Variants in DEPTOR observed in about 807,000 individuals in gnomAD.
The protein encoded by DEPTOR is DEP domain-containing mTOR-interacting protein.
DEPTOR carries 41 observed loss-of-function variants against 41.6 expected under a neutral mutation model. That is an observed-to-expected ratio of 0.98 (90% CI 0.77 to 1.28). The LOEUF is 1.28. DEPTOR is among the 50% of genes most tolerant of loss of function. The pLI, the probability that DEPTOR is intolerant of heterozygous loss-of-function variation, is 0.00. For missense variants in DEPTOR, 514 were observed against 527.9 expected (o/e 0.97, Z 0.26); for synonymous variants, 195 against 192.3 (o/e 1.01, Z -0.12).
intron 8 of DEPTOR, among the ~76,000 whole-genome samples, chr8:120,034,535 C>T (rs978689503): frequency 1.4e-5 from 2 of 147,844 alleles, no homozygotes; most frequent in African/African-American, 2.5e-5. Context: ...GCAATCTCCA[C>T]CTCCCGGGTT....
At chr8:120,031,260 A>G (rs1182814183) in intron 8 of DEPTOR, among the ~76,000 whole-genome samples, 1 of 152,104 alleles carries the variant, frequency 6.6e-6, no homozygotes, top group Non-Finnish European at 1.5e-5. Context: ...TGAGGTCAGG[A>G]GTTCAAGACC....
intron 8 of DEPTOR, among the ~76,000 whole-genome samples, chr8:120,047,593 G>T (rs542536125): frequency 6.6e-6 from 1 of 151,196 alleles, no homozygotes; most frequent in South Asian, 2.1e-4. Context: ...TGATCCACCC[G>T]CCAGGCTGAT....
In DEPTOR at chr8:119,928,412, C is replaced by A. The variant is rs16893299; in HGVS notation, c.135C>A (p.His45Gln). ...VTGEQLRLRL[H>Q]EEKVIKDRRH... The stretch of plus-strand genomic sequence containing the variant: ...ATTTTTCTTTCAGGCTCAGGCTGCA[C>A]GAAGAAAAGGTTATTAAAGATAGAC... Residue 45 changes from histidine to glutamine, a missense_variant, in exon 2 of 9, where the codon CAC becomes CAA. Physicochemically the swap from His to Gln is conservative, Grantham distance 24 (BLOSUM62 0). Transcript: ENST00000286234. The A allele has an allele frequency of 1.2e-6, 2 of 1,610,784 alleles. No individual in the cohort carries two copies. Among genetic ancestry groups the A allele is most frequent in the African/African-American group, 2.7e-5 (2 of 74,814 alleles).
intron 4 of DEPTOR, among the ~76,000 whole-genome samples, chr8:119,996,095 C>T (rs539635193): frequency 2.0e-4 from 31 of 152,280 alleles, no homozygotes; most frequent in African/African-American, 7.2e-4. Context: ...TGAGAGAACT[C>T]GATTCCATCT....
chr8:119,889,570 A>G (rs555195293), intron 1 of DEPTOR, among the ~76,000 whole-genome samples: 1 of 114,892 alleles, frequency 8.7e-6, no homozygotes, highest in African/African-American at 3.2e-5. Flanking sequence ...AGGAGAGGAG[A>G]GGAGACGGGA....
chr8:119,934,102 A>G (rs937238696), intron 3 of DEPTOR, among the ~76,000 whole-genome samples: 2 of 152,018 alleles, frequency 1.3e-5, no homozygotes, highest in African/African-American at 4.8e-5. Flanking sequence ...GCTGATCTCA[A>G]ACTCCTGGCC....
rs551686723 is a variant in DEPTOR, at chr8:119,904,468, A to G, written c.123-23932A>G. Among the ~76,000 whole-genome samples the G allele has an allele frequency of 2.7e-3, 403 of 151,636 alleles. 2 individuals carry two copies. The highest frequency in any genetic ancestry group is 8.8e-3 in the African/African-American group (365 of 41,354). ...ATTGCAGGTAGAAAAAACTGGATAC[A>G]TTTTTTAAAAAATTAACTTTATTTT... is the stretch of plus-strand genomic sequence containing the variant. On this transcript the variant is annotated intron_variant, in intron 1 of 8. Coordinates refer to ENST00000286234, the MANE Select transcript of DEPTOR (RefSeq NM_022783.4).
intron 8 of DEPTOR, among the ~76,000 whole-genome samples, chr8:120,023,990 C>T (rs982982569): frequency 5.3e-5 from 8 of 152,108 alleles, no homozygotes; most frequent in African/African-American, 1.9e-4. Context: ...AATCCCAGCA[C>T]TTTGGGAGGC....
intron 4 of DEPTOR, among the ~76,000 whole-genome samples, chr8:119,996,519 A>G (rs1475076219): frequency 1.3e-5 from 2 of 152,090 alleles, no homozygotes; most frequent in African/African-American, 2.4e-5. Flanking sequence ...TTTGTATTTG[A>G]TCTTAGATAG....
chr8:119,886,280 G>T (rs1486441517), intron 1 of DEPTOR, among the ~76,000 whole-genome samples: 1 of 152,154 alleles, frequency 6.6e-6, no homozygotes, highest in East Asian at 1.9e-4. Flanking sequence ...CATATGGCTT[G>T]TAATAACATC....
intron 1 of DEPTOR, among the ~76,000 whole-genome samples, chr8:119,901,698 C>G (rs530426102): frequency 1.4e-5 from 2 of 145,190 alleles, no homozygotes; most frequent in African/African-American, 5.1e-5. Flanking sequence ...AAAAAAAGAA[C>G]GAAAGATGTG....
intron 1 of DEPTOR, among the ~76,000 whole-genome samples, chr8:119,918,934 A>AGTGTGT (rs139535526): frequency 1.7e-5 from 2 of 115,198 alleles, no homozygotes; most frequent in African/African-American, 6.9e-5. Flanking sequence ...CTATTTGCAT[A>AGTGTGT]GTGAGTGTGT....
At chr8:119,966,597 G>A (rs1828565724) in intron 4 of DEPTOR, among the ~76,000 whole-genome samples, 1 of 151,820 alleles carries the variant, frequency 6.6e-6, no homozygotes, top group Non-Finnish European at 1.5e-5. Context: ...TGATTCTCAT[G>A]CCTCAGCCTC....
chr8:119,987,634 T>C (rs955691107), intron 4 of DEPTOR, among the ~76,000 whole-genome samples: 2 of 152,162 alleles, frequency 1.3e-5, no homozygotes, highest in African/African-American at 4.8e-5. Context: ...CGCCAACAGC[T>C]GCCCCTTCCC....
chr8:119,886,129 A>G (rs1375577563), intron 1 of DEPTOR, among the ~76,000 whole-genome samples: 3 of 152,188 alleles, frequency 2.0e-5, no homozygotes, highest in African/African-American at 4.8e-5. Context: ...CTATAAGTGG[A>G]AGTTCAGGAG....
At chr8:119,908,386 C>T (rs1343338472) in intron 1 of DEPTOR, among the ~76,000 whole-genome samples, 1 of 151,974 alleles carries the variant, frequency 6.6e-6, no homozygotes, top group East Asian at 1.9e-4. Context: ...GCCAGGAGTT[C>T]CAGGCCAGTT....
In DEPTOR at chr8:119,942,672, T is replaced by C. The variant is rs548996319; in HGVS notation, c.425+12734T>C. Among the ~76,000 whole-genome samples, 5 of 152,292 alleles carry C rather than the reference T, an allele frequency of 3.3e-5. No individual in the cohort carries two copies. In the South Asian group the frequency reaches 1.0e-3, roughly 32 times the overall value. On this transcript the variant is annotated intron_variant, in intron 3 of 8. Coordinates refer to ENST00000286234, the MANE Select transcript of DEPTOR (RefSeq NM_022783.4). ...CACTGATTTTGCTAATCCATCTCTG[T>C]AGTAATTTTTCAACTTGATAGAATG...
intron 1 of DEPTOR, among the ~76,000 whole-genome samples, chr8:119,920,991 T>TTTC: frequency 6.6e-6 from 1 of 150,954 alleles, no homozygotes; most frequent in Non-Finnish European, 1.5e-5. Context: ...TTTTTTTTTT[T>TTTC]TTTGAGACAG....
At chr8:119,937,367 C>T (rs768576350) in intron 3 of DEPTOR, among the ~76,000 whole-genome samples, 3 of 152,210 alleles carry the variant, frequency 2.0e-5, no homozygotes, top group Admixed American at 6.5e-5. Context: ...CCACTGCACT[C>T]CAGCCTGGGT....
Sources: allele counts gnomAD v4.1 joint callset (sites outside exome capture counted in the v4.1 genomes callset), GRCh38; gene constraint gnomAD v4.1.1; transcripts MANE v1.5; gene names NCBI Gene and HGNC (gene_info 2026-07-23, HGNC 2026-07-21).